SPEN: variants seen among roughly 807,000 people sequenced by gnomAD.
The protein encoded by SPEN is spen family transcriptional repressor.
In SPEN, 18 loss-of-function variants were observed where a neutral mutation model predicts 269.9. The observed-to-expected ratio is 0.07, with a 90% CI of 0.05 to 0.10. The LOEUF (loss-of-function observed/expected upper bound fraction) is 0.10, where lower values mean the gene tolerates loss of function less well. SPEN is among the 10% of genes least tolerant of loss of function. SPEN has a pLI of 1.00. For synonymous variants in SPEN, 1,726 were observed against 1,765.7 expected (o/e 0.98, Z 0.56); for missense variants, 3,822 against 4,631.2 (o/e 0.83, Z 5.07).
At chr1:15,914,419 T>C (rs974778226) in intron 5 of SPEN, among the ~76,000 whole-genome samples, 3 of 152,252 alleles carry the variant, frequency 2.0e-5, no homozygotes, top group African/African-American at 7.2e-5. Context: ...AGTAGTTTCC[T>C]ATAATTGTTA....
chr1:15,853,617 C>T (rs769730866), intron 1 of SPEN, among the ~76,000 whole-genome samples: 1 of 151,960 alleles, frequency 6.6e-6, no homozygotes, highest in African/African-American at 2.4e-5. Flanking sequence ...CCTCAGCCTC[C>T]TGAATAGCTG....
chr1:15,930,985 T>C lies in SPEN; in HGVS notation c.4745T>C (p.Leu1582Pro). ...GATTCCATTCAAGAACCAGTAGTTC[T>C]GTTCCATAGCAGATTTATGGAGCTC... ...TTDSIQEPVV[L>P]FHSRFMELTR... Residue 1582 changes from leucine to proline, a missense_variant, in exon 11 of 15, where the codon CTG (leucine) becomes CCG (proline). Coordinates refer to ENST00000375759, the MANE Select transcript of SPEN (RefSeq NM_015001.3). This position sits in a 1 kb window ranked among gnomAD's most constrained non-coding sequence, Gnocchi z 5.3. The C allele has an allele frequency of 6.2e-7, 1 of 1,614,170 alleles. No homozygotes were observed. Among genetic ancestry groups the C allele is most frequent in the Non-Finnish European group, 8.5e-7 (1 of 1,180,042 alleles).
At chr1:15,897,786 A>G (rs2070857263) in intron 3 of SPEN, among the ~76,000 whole-genome samples, 1 of 152,216 alleles carries the variant, frequency 6.6e-6, no homozygotes, top group Non-Finnish European at 1.5e-5. Flanking sequence ...GGCTTGAGCC[A>G]CTGCACCTGG....
At chr1:15,938,563 AGCTT>A in intron 13 of SPEN, 151 bp from the exon 14 acceptor site, 1 of 577,258 alleles carries the variant, frequency 1.7e-6, no homozygotes, top group African/African-American at 2.1e-5. Context: ...GTTGAAAAAA[AGCTT>A]TTTTTTTTTT....
At chr1:15,853,874 G>A (rs774473505) in intron 1 of SPEN, among the ~76,000 whole-genome samples, 8 of 151,892 alleles carry the variant, frequency 5.3e-5, no homozygotes, top group African/African-American at 1.5e-4. Context: ...TCACTATGTC[G>A]GCCAGGCTGG....
At chr1:15,874,969 A>G (rs567963068) in intron 2 of SPEN, among the ~76,000 whole-genome samples, 2 of 152,272 alleles carry the variant, frequency 1.3e-5, no homozygotes, top group South Asian at 4.1e-4. Flanking sequence ...GGGATCTGGT[A>G]TTAATTGTTA....
chr1:15,901,132 C>T (rs1257562523), intron 3 of SPEN, among the ~76,000 whole-genome samples: 2 of 150,080 alleles, frequency 1.3e-5, no homozygotes, highest in African/African-American at 4.9e-5. Context: ...GACGGGAGGA[C>T]GTTTGAGCCC....
At chr1:15,915,096 A>G (rs1284269436) in intron 5 of SPEN, among the ~76,000 whole-genome samples, 2 of 152,242 alleles carry the variant, frequency 1.3e-5, no homozygotes, top group Admixed American at 1.3e-4. Context: ...ATTTCAGAGT[A>G]TAGTTTTATA....
At chr1:15,859,364 T>C (rs900110241) in intron 1 of SPEN, among the ~76,000 whole-genome samples, 20 of 146,056 alleles carry the variant, frequency 1.4e-4, no homozygotes, top group African/African-American at 4.3e-4. Context: ...TTTTCTTTTT[T>C]TTTTTTTTTT....
intron 11 of SPEN, among the ~76,000 whole-genome samples, 182 bp from the exon 12 acceptor site, chr1:15,936,981 G>A (rs1202881018): frequency 1.3e-5 from 2 of 152,050 alleles, no homozygotes; most frequent in Non-Finnish European, 2.9e-5. Flanking sequence ...GGTAATAGGG[G>A]ATCTCTCCTT....
intron 3 of SPEN, among the ~76,000 whole-genome samples, chr1:15,901,928 G>GTTTTTTTTTTTTTTTTTTTTTTGT (rs35730805): frequency 1.0e-5 from 1 of 100,280 alleles, no homozygotes; most frequent in Non-Finnish European, 1.9e-5. Flanking sequence ...TATTTATTTA[G>GTTTTTTTTTTTTTTTTTTTTTTGT]TTTTTTTTTT....
rs976386053 is a variant in SPEN at position 15,937,238 on chromosome 1, C to T, written c.10102C>T (p.Pro3368Ser). Residue 3368 changes from proline to serine, a missense_variant, in exon 12 of 15, where the codon CCC becomes TCC. This residue lies in a region of SPEN where 359 missense variants were observed against 377.3 expected (regional missense o/e 0.95). Coordinates refer to ENST00000375759, the MANE Select transcript of SPEN (RefSeq NM_015001.3). This position sits in a 1 kb window ranked among gnomAD's most constrained non-coding sequence, Gnocchi z 5.7. Reference sequence around the variant, plus strand: ...CACACAGCCTGCCCAGCCTGCACCACCCTGCCCGCCCTCCCAGCTCGGTCA... The same window carrying T: ...CACACAGCCTGCCCAGCCTGCACCATCCTGCCCGCCCTCCCAGCTCGGTCA... The part of the protein sequence containing the change: ...QSTQPAQPAP[P>S]CPPSQLGQPG... 1.2e-6 allele frequency: 2 copies of T among 1,613,866 alleles called. No homozygotes were observed. The highest frequency in any genetic ancestry group is 8.5e-7 in the Non-Finnish European group (1 of 1,179,996).
chr1:15,937,446 T>C lies in SPEN; in HGVS notation c.10310T>C (p.Val3437Ala), dbSNP rs1317572967. The C allele has an allele frequency of 6.2e-7, 1 of 1,613,616 alleles. No individual in the cohort carries two copies. Among genetic ancestry groups the C allele is most frequent in the Admixed American group, 1.7e-5 (1 of 59,996 alleles). ...GPTSFPSPVS[V>A]SMKPDLPVSL... ...ACTTCCTTCCCCTCCCCTGTGTCTGTCTCCATGAAGCCTGACCTTCCAGTC... is the reference window on the plus strand; with the variant it reads ...ACTTCCTTCCCCTCCCCTGTGTCTGCCTCCATGAAGCCTGACCTTCCAGTC... Residue 3437 changes from valine to alanine, a missense_variant, in exon 12 of 15, where the codon GTC (valine) becomes GCC (alanine). By Grantham distance (64) the Val-to-Ala change is moderately conservative (BLOSUM62 0). Around this residue, in one of 16 missense-constraint regions of SPEN, gnomAD observed 359 missense variants for 377.3 expected, o/e 0.95. Coordinates refer to ENST00000375759, the MANE Select transcript of SPEN (RefSeq NM_015001.3). The surrounding 1 kb of genome is among the most constrained non-coding windows in gnomAD (Gnocchi z 5.7).
chr1:15,858,118 C>G (rs1378445099), intron 1 of SPEN, among the ~76,000 whole-genome samples: 1 of 151,976 alleles, frequency 6.6e-6, no homozygotes. Context: ...CAGAGCAAGA[C>G]TCCGTCTCAA....
chr1:15,910,996 C>G (rs1432638690), intron 4 of SPEN, 105 bp from the exon 5 acceptor site: 2 of 963,872 alleles, frequency 2.1e-6, no homozygotes, highest in Non-Finnish European at 3.1e-6. Flanking sequence ...ACCTGTCTGA[C>G]ATGAACAAAA....
chr1:15,911,345 C>T (rs751730146), intron 5 of SPEN, 44 bp downstream of exon 5: 2 of 1,519,718 alleles, frequency 1.3e-6, no homozygotes, highest in Non-Finnish European at 1.8e-6. Context: ...ATCACACACA[C>T]TGTTTGTGTT....
chr1:15,877,773 T>C (rs2070646338), intron 3 of SPEN, among the ~76,000 whole-genome samples: 2 of 135,102 alleles, frequency 1.5e-5, no homozygotes, highest in Non-Finnish European at 1.6e-5. Flanking sequence ...AGATGGAGTC[T>C]CGCTCTTGTC....
In SPEN at chr1:15,932,237, G is replaced by C; in HGVS notation, c.5997G>C (p.Lys1999Asn). ...TAAGGGPQGKKGKNEPKVDAT... is the reference protein window; with the variant it reads ...TAAGGGPQGKNGKNEPKVDAT... ...CTGGTGGTGGACCCCAAGGGAAAAA[G>C]GGAAAAAATGAACCGAAGGTGGATG... The change falls in exon 11 of 15, where the codon AAG (lysine) becomes AAC (asparagine). Residue 1999 changes from lysine to asparagine, a missense_variant. By Grantham distance (94) the Lys-to-Asn change is moderately conservative. This residue lies in a region of SPEN where 533 missense variants were observed against 618.8 expected (regional missense o/e 0.86). Coordinates refer to ENST00000375759, the MANE Select transcript of SPEN (RefSeq NM_015001.3). The surrounding 1 kb of genome is among the most constrained non-coding windows in gnomAD (Gnocchi z 4.2). The C allele has an allele frequency of 6.2e-7, 1 of 1,610,418 alleles. No individual in the cohort carries two copies. Among genetic ancestry groups the C allele is most frequent in the Non-Finnish European group, 8.5e-7 (1 of 1,178,870 alleles).
At chr1:15,875,551 G>T (rs1442001074) in intron 2 of SPEN, among the ~76,000 whole-genome samples, 1 of 150,844 alleles carries the variant, frequency 6.6e-6, no homozygotes, top group Non-Finnish European at 1.5e-5. Flanking sequence ...ACTTGAAGTG[G>T]TTTTTTTTTG....
Sources: gnomAD v4.1 joint callset for allele counts (sites outside exome capture counted in the v4.1 genomes callset) on GRCh38, gnomAD v4.1.1 for gene constraint, gnomAD v4.1.1 regional missense constraint, Gnocchi (gnomAD v3.1) non-coding constraint, MANE v1.5 for transcripts, NCBI Gene and HGNC (gene_info 2026-07-23, HGNC 2026-07-21) for gene names.